The following CKB variants were observed in gnomAD, a reference collection of about 807,000 sequenced individuals.
CKB encodes creatine kinase B, also known as creatine kinase B-type.
CKB carries 15 observed loss-of-function variants against 36.9 expected under a neutral mutation model. The observed-to-expected ratio is 0.41, with a 90% CI of 0.27 to 0.63. The LOEUF is 0.63. CKB is among the 20% of genes least tolerant of loss of function. CKB has a pLI of 0.34. For missense variants in CKB, 413 were observed against 534.9 expected (o/e 0.77, Z 2.25); for synonymous variants, 250 against 228.2 (o/e 1.10, Z -0.86).
At chr14:103,521,187 C>G in intron 5 of CKB, 76 bp downstream of exon 5, 1 of 1,506,498 alleles carries the variant, frequency 6.6e-7, no homozygotes, top group Non-Finnish European at 8.9e-7. Flanking sequence ...GGCCCCACCC[C>G]CGCGAGGGGG....
At position 103,521,430 on chromosome 14, in the gene CKB, C is replaced by G. The variant is rs1391565102; in HGVS notation, c.486G>C (p.Leu162=). 6.3e-7 allele frequency: 1 copy of G among 1,595,934 alleles called. No individual in the cohort carries two copies. The highest frequency in any genetic ancestry group is 2.3e-5 in the East Asian group (1 of 44,332). The change falls in exon 5 of 8, where the codon CTG becomes CTC. Residue 162 remains leucine, a synonymous_variant. Transcript: ENST00000348956. ...RAIEKLAVEA[L]SSLDGDLAGR... The stretch of plus-strand genomic sequence containing the variant: ...CCGCCAGGTCGCCGTCCAGGCTGGA[C>G]AGGGCTGCGAGGGGTGCGCTCAGGA...
Position 103,521,808 on chromosome 14 carries a change from C to T in CKB, c.481+10G>A, listed in dbSNP as rs2075903298. The T allele has an allele frequency of 6.9e-7, 1 of 1,442,258 alleles. No individual in the cohort carries two copies. Among genetic ancestry groups the T allele is most frequent in the South Asian group, 1.4e-5 (1 of 73,180 alleles). The allele number at this position is 1,442,258 out of a possible 1,614,324, so 89.3% of individuals were successfully genotyped here. On this transcript the variant is annotated intron_variant, in intron 4 of 7. Transcript: ENST00000348956. ...GGCCGCCGCCGCCCCTCGGCCCGCC[C>T]GGCCCCTACCTTCCACCGCGAGCTT...
chr14:103,522,299 A>T lies in CKB; in HGVS notation c.193+2T>A. 6.2e-7 allele frequency: 1 copy of T among 1,602,256 alleles called. No individual in the cohort carries two copies. The highest frequency in any genetic ancestry group is 8.5e-7 in the Non-Finnish European group (1 of 1,177,130). On this transcript the variant is annotated splice_donor_variant, in intron 2 of 7. Transcript: ENST00000348956. LOFTEE classifies it high-confidence loss of function. The surrounding 1 kb of genome is among the most constrained non-coding windows in gnomAD (Gnocchi z 6.7). ...GGACCCCGGCCCCGAGGGGTCGCGT[A>T]CCCGGGTTGTCCACGCCTGTCTGGA...
At chr14:103,521,533 G>T in intron 4 of CKB, 99 bp from the exon 5 acceptor site, 2 of 1,201,696 alleles carry the variant, frequency 1.7e-6, no homozygotes, top group South Asian at 3.5e-5. Flanking sequence ...GGGGACGTCA[G>T]AGGGCCCCAC....
At position 103,519,897 on chromosome 14, in the gene CKB, C is replaced by T. The variant is rs140798864; in HGVS notation, c.1113G>A (p.Gln371=). The part of the protein sequence containing the change: ...IEMEQRLEQG[Q]AIDDLMPAQK ...GGGCAGGCATGAGGTCGTCGATGGCCTGGCCCTGCTCCAGCCGCTGCTCCA... is the reference window on the plus strand; with the variant it reads ...GGGCAGGCATGAGGTCGTCGATGGCTTGGCCCTGCTCCAGCCGCTGCTCCA... Residue 371 remains glutamine, a synonymous_variant, in exon 8 of 8, where the codon CAG becomes CAA. Coordinates refer to ENST00000348956, the MANE Select transcript of CKB (RefSeq NM_001823.5). The T allele has an allele frequency of 5.5e-5, 89 of 1,607,462 alleles. No homozygotes were observed. In the African/African-American group the frequency reaches 1.1e-3, roughly 19 times the overall value.
rs751794219 is a variant in CKB at position 103,522,522 on chromosome 14, G to A, written c.-12-17C>T. The A allele has an allele frequency of 6.4e-6, 10 of 1,561,624 alleles. No individual in the cohort carries two copies. The highest frequency in any genetic ancestry group is 1.4e-5 in the African/African-American group (1 of 70,740). Reference sequence around the variant, plus strand: ...GGCGGCGGGCTGCGGGGAGACGCGGGGTCAGAGGGGACCGGCACGCCGGGG... The same window carrying A: ...GGCGGCGGGCTGCGGGGAGACGCGGAGTCAGAGGGGACCGGCACGCCGGGG... On this transcript the variant is annotated splice_polypyrimidine_tract_variant and intron_variant, in intron 1 of 7. Coordinates refer to ENST00000348956, the MANE Select transcript of CKB (RefSeq NM_001823.5). The surrounding 1 kb of genome is among the most constrained non-coding windows in gnomAD (Gnocchi z 6.7).
Position 103,522,200 on chromosome 14 carries a change from G to A in CKB, c.194-23C>T, listed in dbSNP as rs761083874. 2 of 1,595,500 alleles carry A rather than the reference G, an allele frequency of 1.3e-6. No homozygotes were observed. Among genetic ancestry groups the A allele is most frequent in the African/African-American group, 2.7e-5 (2 of 74,180 alleles). On this transcript the variant is annotated intron_variant, in intron 2 of 7. Coordinates refer to ENST00000348956, the MANE Select transcript of CKB (RefSeq NM_001823.5). This position sits in a 1 kb window ranked among gnomAD's most constrained non-coding sequence, Gnocchi z 6.7. Reference sequence around the variant, plus strand: ...GGCCTGGGGGAGGGGGCGCGGGACGGGGACAGTGACGTCACTGCCGGGCCC... The same window carrying A: ...GGCCTGGGGGAGGGGGCGCGGGACGAGGACAGTGACGTCACTGCCGGGCCC...
chr14:103,521,193 G>C (rs2075897700), intron 5 of CKB, 70 bp downstream of exon 5: 2 of 1,506,348 alleles, frequency 1.3e-6, no homozygotes, highest in South Asian at 1.2e-5. Flanking sequence ...ACCCCCGCGA[G>C]GGGGGCGAGA....
intron 5 of CKB, 65 bp downstream of exon 5, chr14:103,521,198 G>A (rs1460071514): frequency 2.6e-6 from 4 of 1,516,198 alleles, no homozygotes; most frequent in Non-Finnish European, 3.5e-6. Flanking sequence ...CGCGAGGGGG[G>A]CGAGAGGGAA....
At position 103,522,289 on chromosome 14, in the gene CKB, G is replaced by C; in HGVS notation, c.193+12C>G. 1 of 1,599,078 alleles carries C rather than the reference G, an allele frequency of 6.3e-7. No individual in the cohort carries two copies. The highest frequency in any genetic ancestry group is 8.5e-7 in the Non-Finnish European group (1 of 1,175,784). On this transcript the variant is annotated intron_variant, in intron 2 of 7. Coordinates refer to ENST00000348956, the MANE Select transcript of CKB (RefSeq NM_001823.5). This position sits in a 1 kb window ranked among gnomAD's most constrained non-coding sequence, Gnocchi z 6.7. ...GGGGGGGCCGGGACCCCGGCCCCGAGGGGTCGCGTACCCGGGTTGTCCACG... is the reference window on the plus strand; with the variant it reads ...GGGGGGGCCGGGACCCCGGCCCCGACGGGTCGCGTACCCGGGTTGTCCACG...
At position 103,521,941 on chromosome 14, in the gene CKB, C is replaced by A. The variant is rs755543590; in HGVS notation, c.358G>T (p.Asp120Tyr). The change falls in exon 4 of 8, where the codon GAC (aspartate) becomes TAC (tyrosine). Residue 120 changes from aspartate to tyrosine, a missense_variant. Asp to Tyr is a radical substitution (Grantham distance 160). Around this residue, in one of 3 missense-constraint regions of CKB, gnomAD observed 314 missense variants for 409.4 expected, o/e 0.77. Transcript: ENST00000348956. ...CTCAGCACGTAGTTGGGGTCCAGGT[C>A]GTCGCCGCCCTGGGAGGCGAGACGG... ...LNPDNLQGGD[D>Y]LDPNYVLSSR... 4 of 1,576,382 alleles carry A rather than the reference C, an allele frequency of 2.5e-6. No homozygotes were observed. Among genetic ancestry groups the A allele is most frequent in the Admixed American group, 3.6e-5 (2 of 55,732 alleles).
Position 103,521,442 on chromosome 14 carries a change from G to A in CKB, c.482-8C>T, listed in dbSNP as rs1415667708. The A allele has an allele frequency of 9.5e-6, 15 of 1,580,844 alleles. No homozygotes were observed. The highest frequency in any genetic ancestry group is 1.3e-5 in the Non-Finnish European group (15 of 1,171,540). On this transcript the variant is annotated splice_region_variant and splice_polypyrimidine_tract_variant and intron_variant, in intron 4 of 7. Coordinates refer to ENST00000348956, the MANE Select transcript of CKB (RefSeq NM_001823.5). ...CGTCCAGGCTGGACAGGGCTGCGAG[G>A]GGTGCGCTCAGGACGCTCGGCTCCC... is the stretch of plus-strand genomic sequence containing the variant.
In CKB at chr14:103,521,873, G is replaced by T. The variant is rs770059987; in HGVS notation, c.426C>A (p.Leu142=). The T allele has an allele frequency of 2.6e-6, 4 of 1,562,530 alleles. No individual in the cohort carries two copies. Among genetic ancestry groups the T allele is most frequent in the Non-Finnish European group, 2.6e-6 (3 of 1,164,584 alleles). ...GCTCCCCGCGGCTGCAGTGCGGGGG[G>T]AGGCAGAAGCCACGGATGCTGCGGC... is the stretch of plus-strand genomic sequence containing the variant. ...RTGRSIRGFC[L]PPHCSRGERR... is the part of the protein sequence containing the mutation. Residue 142 remains leucine (L), a synonymous_variant, in exon 4 of 8, where the codon CTC becomes CTA. Coordinates refer to ENST00000348956, the MANE Select transcript of CKB (RefSeq NM_001823.5).
intron 5 of CKB, 75 bp downstream of exon 5, chr14:103,521,188 C>T: frequency 6.6e-7 from 1 of 1,508,178 alleles, no homozygotes; most frequent in East Asian, 2.5e-5. Flanking sequence ...GCCCCACCCC[C>T]GCGAGGGGGG....
intron 4 of CKB, 76 bp from the exon 5 acceptor site, chr14:103,521,510 G>A (rs2075901057): frequency 1.1e-5 from 15 of 1,314,950 alleles, no homozygotes; most frequent in African/African-American, 3.1e-5. Context: ...GCCCGCCCCC[G>A]TGCCCCACCT....
In CKB at chr14:103,522,264, G is replaced by T. The variant is rs754005707; in HGVS notation, c.193+37C>A. ...AGGACCCTGCGGCTGCGCGGGGGGA[G>T]GGGGGGCCGGGACCCCGGCCCCGAG... On this transcript the variant is annotated intron_variant, in intron 2 of 7. Coordinates refer to ENST00000348956, the MANE Select transcript of CKB (RefSeq NM_001823.5). The surrounding 1 kb of genome is among the most constrained non-coding windows in gnomAD (Gnocchi z 6.7). 1.3e-6 allele frequency: 2 copies of T among 1,568,842 alleles called. No homozygotes were observed. Among genetic ancestry groups the T allele is most frequent in the Non-Finnish European group, 1.7e-6 (2 of 1,159,134 alleles).
In CKB at chr14:103,522,355, TGCTCTTGGCGC is replaced by T; in HGVS notation, c.128_138del (p.Arg43HisfsTer59). The stretch of plus-strand genomic sequence containing the variant: ...TCGTCCAGCGTGAAGCCGCTCGGCG[TGCTCTTGGCGC>T]GCAGCTCCGCGTACAGCTCGGGGGT... On this transcript the variant is annotated frameshift_variant, in exon 2 of 8. Coordinates refer to ENST00000348956, the MANE Select transcript of CKB (RefSeq NM_001823.5). LOFTEE classifies it high-confidence loss of function. The surrounding 1 kb of genome is among the most constrained non-coding windows in gnomAD (Gnocchi z 6.7). 1 of 1,611,266 alleles carries T rather than the reference TGCTCTTGGCGC, an allele frequency of 6.2e-7. No homozygotes were observed. The highest frequency in any genetic ancestry group is 8.5e-7 in the Non-Finnish European group (1 of 1,179,246).
intron 5 of CKB, chr14:103,520,793 C>T (rs2075894640): frequency 2.7e-6 from 2 of 741,104 alleles, no homozygotes; most frequent in Admixed American, 6.3e-5. Flanking sequence ...TGCCATCATG[C>T]GCTGTGGCCT....
rs570136611 is a variant in CKB at position 103,520,006 on chromosome 14, T to C, written c.1004A>G (p.Asp335Gly). ...VDTAAVGGVF[D>G]VSNADRLGFS... The stretch of plus-strand genomic sequence containing the variant: ...GCCCAGGCGGTCAGCGTTGGAGACG[T>C]CGAAGACCCCGCCCACCGCAGCCGT... Residue 335 changes from aspartate to glycine, a missense_variant, in exon 8 of 8, where the codon GAC becomes GGC. By Grantham distance (94) the Asp-to-Gly change is moderately conservative (BLOSUM62 -1). Around this residue, in one of 3 missense-constraint regions of CKB, gnomAD observed 314 missense variants for 409.4 expected, o/e 0.77. Transcript: ENST00000348956. 1 of 1,610,654 alleles carries C rather than the reference T, an allele frequency of 6.2e-7. No homozygotes were observed. Among genetic ancestry groups the C allele is most frequent in the African/African-American group, 1.3e-5 (1 of 74,994 alleles).
Sources: gnomAD v4.1 joint callset for allele counts on GRCh38, gnomAD v4.1.1 for gene constraint, gnomAD v4.1.1 regional missense constraint, Gnocchi (gnomAD v3.1) non-coding constraint, MANE v1.5 for transcripts, NCBI Gene and HGNC (gene_info 2026-07-23, HGNC 2026-07-21) for gene names.